WDR70: variants seen among roughly 807,000 people sequenced by gnomAD.
WDR70 encodes WD repeat-containing protein 70.
Under a neutral mutation model 88.6 loss-of-function variants are expected in WDR70, and 53 were observed. The observed-to-expected ratio is 0.60, with a 90% CI of 0.48 to 0.75. The LOEUF is 0.75. Among genes scored for constraint, WDR70 ranks in the 30% least tolerant of loss-of-function variants. The probability of loss-of-function intolerance (pLI) is 0.00; values close to 1 mark genes in which losing one functional copy is unlikely to be tolerated. For missense variants in WDR70, 610 were observed against 823.2 expected, an observed-to-expected ratio of 0.74 and a Z score of 3.17; for synonymous variants, 280 against 270.0, an observed-to-expected ratio of 1.04 and a Z score of -0.36.
chr5:37,607,483 ACATAT>A (rs1224940818), intron 10 of WDR70, among the ~76,000 whole-genome samples: 2 of 152,182 alleles, frequency 1.3e-5, no homozygotes, highest in African/African-American at 4.8e-5. Flanking sequence ...ATTAAACAAA[ACATAT>A]CTTTTTAGAA....
chr5:37,562,187 G>A (rs551965464), intron 9 of WDR70, among the ~76,000 whole-genome samples: 5 of 152,224 alleles, frequency 3.3e-5, no homozygotes, highest in African/African-American at 1.2e-4. Flanking sequence ...GTGAAACCCC[G>A]TCTCTATTAA....
At chr5:37,591,428 A>G (rs530010982) in intron 9 of WDR70, among the ~76,000 whole-genome samples, 1 of 152,322 alleles carries the variant, frequency 6.6e-6, no homozygotes, top group Admixed American at 6.5e-5. Flanking sequence ...ACAATTTTAT[A>G]CAAACATATT....
chr5:37,426,586 T>C (rs963997983), intron 5 of WDR70, among the ~76,000 whole-genome samples: 1 of 152,236 alleles, frequency 6.6e-6, no homozygotes, highest in Non-Finnish European at 1.5e-5. Flanking sequence ...GTGGGACAGC[T>C]GGAAGGCTGG....
At chr5:37,518,089 A>G (rs1740948833) in intron 9 of WDR70, among the ~76,000 whole-genome samples, 1 of 151,262 alleles carries the variant, frequency 6.6e-6, no homozygotes, top group South Asian at 2.1e-4. Context: ...TAATTTTTAT[A>G]TTTTTAGTAG....
At chr5:37,443,485 C>T (rs1279130746) in intron 7 of WDR70, 113 bp downstream of exon 7, 30 of 1,219,632 alleles carry the variant, frequency 2.5e-5, no homozygotes, top group Non-Finnish European at 3.4e-5. Context: ...AAATACATTA[C>T]GTTTATATGA....
At chr5:37,598,091 CT>C (rs1389710608) in intron 9 of WDR70, among the ~76,000 whole-genome samples, 1 of 152,152 alleles carries the variant, frequency 6.6e-6, no homozygotes, top group Non-Finnish European at 1.5e-5. Context: ...AGCCTTCCCC[CT>C]ATTGAATGTA....
chr5:37,486,013 C>G (rs575598756), intron 8 of WDR70, among the ~76,000 whole-genome samples: 1 of 151,774 alleles, frequency 6.6e-6, no homozygotes, highest in Non-Finnish European at 1.5e-5. Flanking sequence ...CTGTGCCTGG[C>G]CAACAATATA....
At chr5:37,522,705 A>G (rs1219457078) in intron 9 of WDR70, among the ~76,000 whole-genome samples, 1 of 152,180 alleles carries the variant, frequency 6.6e-6, no homozygotes, top group Admixed American at 6.5e-5. Flanking sequence ...GGGAAGCACA[A>G]GGGGTCAGGG....
chr5:37,394,704 A>T (rs1748955546), intron 4 of WDR70, among the ~76,000 whole-genome samples: 1 of 152,224 alleles, frequency 6.6e-6, no homozygotes, highest in Non-Finnish European at 1.5e-5. Context: ...GATGAGAAAG[A>T]GGCCGTGTAA....
chr5:37,738,513 C>T (rs912218834), intron 17 of WDR70, among the ~76,000 whole-genome samples: 22 of 152,194 alleles, frequency 1.4e-4, no homozygotes, highest in Admixed American at 4.6e-4. Context: ...AGAGAAGGGC[C>T]GTGTAGAAGA....
intron 7 of WDR70, among the ~76,000 whole-genome samples, chr5:37,444,336 C>CTTTTTTTTT (rs70978817): frequency 4.2e-4 from 40 of 94,188 alleles, no homozygotes; most frequent in East Asian, 1.4e-3. Context: ...CAGCCTTTCT[C>CTTTTTTTTT]TTTTTTTTTT....
intron 10 of WDR70, among the ~76,000 whole-genome samples, chr5:37,675,149 G>T (rs1349301415): frequency 6.6e-6 from 1 of 152,120 alleles, no homozygotes; most frequent in African/African-American, 2.4e-5. Flanking sequence ...TGTCAGAGGA[G>T]TAGGTTGTGA....
rs1368425032 is a variant in WDR70, at chr5:37,380,505, A to AT, written c.91+961dup. ...AGGCGCCCGCCACCTCGCCCGGCTG[A>AT]TTTTTTTTTTGTATTTTTAGTAGAG... is the stretch of plus-strand genomic sequence containing the variant. On this transcript the variant is annotated intron_variant, in intron 2 of 17. Coordinates refer to ENST00000265107, the MANE Select transcript of WDR70 (RefSeq NM_018034.4). Among the ~76,000 whole-genome samples, 741 of 148,028 alleles carry AT rather than the reference A, an allele frequency of 5.0e-3. 4 individuals carry two copies. The highest frequency in any genetic ancestry group is 0.011 in the Middle Eastern group (3 of 284).
At chr5:37,588,621 C>T (rs1009844127) in intron 9 of WDR70, among the ~76,000 whole-genome samples, 8 of 151,832 alleles carry the variant, frequency 5.3e-5, no homozygotes, top group African/African-American at 7.3e-5. Context: ...CTGTCACCCA[C>T]GCTGGAGTGC....
At chr5:37,722,760 C>A in intron 14 of WDR70, 95 bp from the exon 15 acceptor site, 1 of 1,145,134 alleles carries the variant, frequency 8.7e-7, no homozygotes, top group Non-Finnish European at 1.3e-6. Context: ...AGTGCATGCA[C>A]AGAGTATGTT....
At chr5:37,696,377 C>A (rs1207429944) in intron 10 of WDR70, among the ~76,000 whole-genome samples, 1 of 152,098 alleles carries the variant, frequency 6.6e-6, no homozygotes, top group African/African-American at 2.4e-5. Context: ...GTACTCATTA[C>A]TGGATTTTTT....
At chr5:37,609,069 A>G (rs1022277718) in intron 10 of WDR70, among the ~76,000 whole-genome samples, 2 of 152,240 alleles carry the variant, frequency 1.3e-5, no homozygotes, top group African/African-American at 4.8e-5. Context: ...CTAAGAATAC[A>G]TTTAAAGAAT....
chr5:37,507,660 C>T (rs1740603104), intron 8 of WDR70, among the ~76,000 whole-genome samples: 1 of 152,164 alleles, frequency 6.6e-6, no homozygotes, highest in African/African-American at 2.4e-5. Context: ...TCTGATTCAT[C>T]AGCACAGTAT....
At chr5:37,706,791 A>G (rs925760660) in intron 13 of WDR70, among the ~76,000 whole-genome samples, 8 of 151,714 alleles carry the variant, frequency 5.3e-5, no homozygotes, top group African/African-American at 1.7e-4. Context: ...TTTGTTATCT[A>G]ATTCTTTGTG....
Sources: gnomAD v4.1 joint callset for allele counts (sites outside exome capture counted in the v4.1 genomes callset) on GRCh38, gnomAD v4.1.1 for gene constraint, MANE v1.5 for transcripts, NCBI Gene and HGNC (gene_info 2026-07-23, HGNC 2026-07-21) for gene names.